The following RGL3 variants were observed in gnomAD, a reference collection of about 807,000 sequenced individuals.
RGL3 encodes ral guanine nucleotide dissociation stimulator like 3.
RGL3 carries 85 observed loss-of-function variants against 90.6 expected under a neutral mutation model. That is an observed-to-expected ratio of 0.94 (90% CI 0.79 to 1.12). RGL3 has a LOEUF of 1.12. Ranked by LOEUF, RGL3 falls within the 50% of genes most tolerant of loss-of-function variation. The pLI is 0.00. For missense variants in RGL3, 1,034 were observed against 939.2 expected, an observed-to-expected ratio of 1.10 and a Z score of -1.32; for synonymous variants, 408 against 385.5, an observed-to-expected ratio of 1.06 and a Z score of -0.68.
rs1568341894 is a variant in RGL3, at chr19:11,414,466, T to TATATATACATATATATATACCTTC, written c.637+1470_637+1471insGAAGGTATATATATATGTATATAT. Reference sequence around the variant, plus strand: ...ATATACATATATATATATACCTTCATATATATATATATATATACACCTTCA... The same window carrying TATATATACATATATATATACCTTC: ...ATATACATATATATATATACCTTCATATATATACATATATATATACCTTCATATATATATATATATACACCTTCA... On this transcript the variant is annotated intron_variant, in intron 5 of 18. Transcript: ENST00000380456. Among the ~76,000 whole-genome samples, 5 of 87,856 alleles carry TATATATACATATATATATACCTTC rather than the reference T, an allele frequency of 5.7e-5. 1 individual carries two copies. Among genetic ancestry groups the TATATATACATATATATATACCTTC allele is most frequent in the African/African-American group, 2.2e-4 (5 of 23,196 alleles). The allele number at this position is 87,856 out of a possible 152,430, so 57.6% of individuals were successfully genotyped here.
In RGL3 at chr19:11,399,863, TGGGGCCCTGGGGCCCTGGAGAGGCC is replaced by T; in HGVS notation, c.1713_1737del (p.Ser573ProfsTer5). 6.7e-7 allele frequency: 1 copy of T among 1,495,656 alleles called. No individual in the cohort carries two copies. The highest frequency in any genetic ancestry group is 8.9e-7 in the Non-Finnish European group (1 of 1,124,200). The allele number at this position is 1,495,656 out of a possible 1,614,324, so 92.6% of individuals were successfully genotyped here. ...ACAAGCCGTCTTGGTACCTTGGTGC[TGGGGCCCTGGGGCCCTGGAGAGGCC>T]GGGGGACTGCCAGCAGGAGCATCTC... On this transcript the variant is annotated frameshift_variant, in exon 16 of 19. Coordinates refer to ENST00000380456, the MANE Select transcript of RGL3 (RefSeq NM_001035223.4). LOFTEE classifies it high-confidence loss of function.
Position 11,400,232 on chromosome 19 carries a change from C to G in RGL3, c.1550G>C (p.Arg517Pro), listed in dbSNP as rs752709520. 1 of 1,596,354 alleles carries G rather than the reference C, an allele frequency of 6.3e-7. No homozygotes were observed. The highest frequency in any genetic ancestry group is 8.5e-7 in the Non-Finnish European group (1 of 1,170,956). The change falls in exon 14 of 19, where the codon CGG becomes CCG. Residue 517 changes from arginine to proline, a missense_variant. Physicochemically the swap from Arg to Pro is moderately radical, Grantham distance 103 (BLOSUM62 -2). Coordinates refer to ENST00000380456, the MANE Select transcript of RGL3 (RefSeq NM_001035223.4). ...GAGACGCTTGGTGAGGCTGATCCGC[C>G]GTCGGATGCGTGGGGAGCTGGGGCA... ...ASCPSSPRIR[R>P]RISLTKRLSA...
intron 18 of RGL3, among the ~76,000 whole-genome samples, chr19:11,396,571 G>A (rs1968576846): frequency 6.6e-6 from 1 of 151,284 alleles, no homozygotes; most frequent in South Asian, 2.1e-4. Context: ...CTCCCAAAGT[G>A]CTGGGATTAC....
At position 11,416,989 on chromosome 19, in the gene RGL3, C is replaced by T. The variant is rs780662943; in HGVS notation, c.218G>A (p.Arg73His). ...CAACTCTCCCACCAGCCGCTCCAGG[C>T]GCGCTGCCCTCAGCACCCTCACCTT... ...TSKVRVLRAA[R>H]LERLVGELVF... The change falls in exon 3 of 19, where the codon CGC becomes CAC. Residue 73 changes from arginine to histidine, a missense_variant. Coordinates refer to ENST00000380456, the MANE Select transcript of RGL3 (RefSeq NM_001035223.4). The T allele has an allele frequency of 3.6e-5, 58 of 1,613,748 alleles. No homozygotes were observed. Among genetic ancestry groups the T allele is most frequent in the Middle Eastern group, 1.6e-4 (1 of 6,084 alleles).
At chr19:11,402,432 G>A in intron 11 of RGL3, 23 bp downstream of exon 11, 1 of 1,592,524 alleles carries the variant, frequency 6.3e-7, no homozygotes, top group Non-Finnish European at 8.6e-7. Context: ...CTGGGGTCAG[G>A]GGTCAAGGGT....
chr19:11,405,976 C>T, intron 7 of RGL3, among the ~76,000 whole-genome samples: 1 of 151,638 alleles, frequency 6.6e-6, no homozygotes, highest in Admixed American at 6.6e-5. Context: ...GCGATCCTCC[C>T]TCTCCCCAAA....
At position 11,405,494 on chromosome 19, in the gene RGL3, CTTTTTTTTTTTTTTTTTTTTTTTTTTTT is replaced by C. The variant is rs771398199; in HGVS notation, c.997-96_997-69del. ...ACCTTTCATCCTGAAACTTCTTCATCTTTTTTTTTTTTTTTTTTTTTTTTTTTTTTTTTTTTTTTTTTTTTGAGAGATA... is the reference window on the plus strand; with the variant it reads ...ACCTTTCATCCTGAAACTTCTTCATCTTTTTTTTTTTTTTTTTGAGAGATA... On this transcript the variant is annotated intron_variant, in intron 7 of 18. Transcript: ENST00000380456. 1,035 of 163,902 alleles carry C rather than the reference CTTTTTTTTTTTTTTTTTTTTTTTTTTTT, an allele frequency of 6.3e-3. 9 individuals are homozygous for C. Among genetic ancestry groups the C allele is most frequent in the Non-Finnish European group, 8.6e-3 (706 of 82,232 alleles). 10.2% of individuals were successfully genotyped at this position (163,902 alleles called of 1,614,324 possible).
chr19:11,416,585 G>A lies in RGL3; in HGVS notation c.425+29C>T, dbSNP rs146076468. 5,798 of 1,606,954 alleles carry A rather than the reference G, an allele frequency of 3.6e-3. 17 individuals carry two copies. The highest frequency in any genetic ancestry group is 6.3e-3 in the Middle Eastern group (38 of 6,050). On this transcript the variant is annotated intron_variant, in intron 4 of 18. Coordinates refer to ENST00000380456, the MANE Select transcript of RGL3 (RefSeq NM_001035223.4). ...TTTGACCTCTTGGATTTCCCTCCCC[G>A]CACTCCCCTATCTGGATGAAGGACC...
rs112010941 is a variant in RGL3 at position 11,418,478 on chromosome 19, C to T, written c.147+193G>A. ...ACTGCGCGGCCATCGCCTGGCCCCACCCCATTCCCTGGATCTCCCCCCACT... is the reference window on the plus strand; with the variant it reads ...ACTGCGCGGCCATCGCCTGGCCCCATCCCATTCCCTGGATCTCCCCCCACT... On this transcript the variant is annotated intron_variant, in intron 2 of 18. Coordinates refer to ENST00000380456, the MANE Select transcript of RGL3 (RefSeq NM_001035223.4). 4.4e-5 allele frequency: 26 copies of T among 587,716 alleles called. No homozygotes were observed. The African/African-American group carries it at 4.9e-4, about 11-fold the overall frequency. The allele number at this position is 587,716 out of a possible 1,614,324, so 36.4% of individuals were successfully genotyped here.
chr19:11,397,698 C>T (rs1968602944), intron 16 of RGL3, 101 bp from the exon 17 acceptor site: 3 of 1,169,460 alleles, frequency 2.6e-6, no homozygotes, highest in Admixed American at 3.0e-5. Flanking sequence ...CATTCAATAG[C>T]CCCACATTTA....
At position 11,415,954 on chromosome 19, in the gene RGL3, G is replaced by A. The variant is rs1011746987; in HGVS notation, c.620C>T (p.Pro207Leu). 3.1e-6 allele frequency: 5 copies of A among 1,613,584 alleles called. No individual in the cohort carries two copies. The highest frequency in any genetic ancestry group is 1.3e-5 in the African/African-American group (1 of 74,960). The change falls in exon 5 of 19, where the codon CCG becomes CTG. Residue 207 changes from proline to leucine, a missense_variant. Pro to Leu is a moderately conservative substitution (Grantham distance 98). Transcript: ENST00000380456. ...EEAEREQEEE[P>L]PQVWTGPPRV... ...CCCCTCACCTGTCCACACCTGAGGCGGCTCCTCTTCCTGCTCTCGCTCAGC... is the reference window on the plus strand; with the variant it reads ...CCCCTCACCTGTCCACACCTGAGGCAGCTCCTCTTCCTGCTCTCGCTCAGC...
At chr19:11,418,527 T>TTCTACC (rs1418028330) in intron 2 of RGL3, 144 bp downstream of exon 2, 3 of 626,950 alleles carry the variant, frequency 4.8e-6, no homozygotes, top group Non-Finnish European at 8.1e-6. Flanking sequence ...CCAGTCCCCT[T>TTCTACC]TCTACCTGGT....
At chr19:11,417,158 GTT>G (rs760491298) in intron 2 of RGL3, 99 bp from the exon 3 acceptor site, 22 of 617,484 alleles carry the variant, frequency 3.6e-5, no homozygotes, top group Admixed American at 8.1e-5. Context: ...TTTTTTTTTT[GTT>G]TTTTTTTTTG....
At chr19:11,418,243 A>AC (rs1555720786) in intron 2 of RGL3, among the ~76,000 whole-genome samples, 9 of 17,462 alleles carry the variant, frequency 5.2e-4, no homozygotes, top group Non-Finnish European at 9.0e-4. Flanking sequence ...CCCTCCCCCC[A>AC]CCCCCCCGCC....
intron 5 of RGL3, among the ~76,000 whole-genome samples, chr19:11,415,569 G>A (rs976179373): frequency 1.1e-4 from 17 of 151,986 alleles, no homozygotes; most frequent in African/African-American, 4.1e-4. Context: ...TCCGCCTCCC[G>A]GGTTCAAACG....
intron 5 of RGL3, among the ~76,000 whole-genome samples, chr19:11,407,245 C>G (rs530121886): frequency 6.6e-6 from 1 of 152,210 alleles, no homozygotes; most frequent in Non-Finnish European, 1.5e-5. Context: ...CTTGGCCTCC[C>G]AAAGTGCTGG....
chr19:11,413,007 G>A (rs1263085023), intron 5 of RGL3, among the ~76,000 whole-genome samples: 2 of 151,664 alleles, frequency 1.3e-5, no homozygotes, highest in African/African-American at 4.8e-5. Context: ...AAAATAAAAT[G>A]AAATAAAGTG....
At chr19:11,417,594 C>T (rs1969026455) in intron 2 of RGL3, among the ~76,000 whole-genome samples, 1 of 151,744 alleles carries the variant, frequency 6.6e-6, no homozygotes, top group Non-Finnish European at 1.5e-5. Context: ...CTCAGCCTCC[C>T]AAGTATCTGG....
chr19:11,396,750 C>T (rs957874085), intron 18 of RGL3, among the ~76,000 whole-genome samples: 37 of 150,940 alleles, frequency 2.5e-4, no homozygotes, highest in African/African-American at 7.1e-4. Context: ...CTGCAACCTC[C>T]GCCTCCCAGA....
Sources: gnomAD v4.1 joint callset for allele counts (sites outside exome capture counted in the v4.1 genomes callset) on GRCh38, gnomAD v4.1.1 for gene constraint, MANE v1.5 for transcripts, NCBI Gene and HGNC (gene_info 2026-07-23, HGNC 2026-07-21) for gene names.